The following CREB5 variants were observed in gnomAD, a reference collection of about 807,000 sequenced individuals.
CREB5 encodes cAMP responsive element binding protein 5.
Under a neutral mutation model 57.1 loss-of-function variants are expected in CREB5, and 19 were observed. The observed-to-expected ratio is 0.33, with a 90% CI of 0.23 to 0.49. The LOEUF is 0.49. Among genes scored for constraint, CREB5 ranks in the 20% least tolerant of loss-of-function variants. The pLI, the probability that CREB5 is intolerant of heterozygous loss-of-function variation, is 0.99. For synonymous variants in CREB5, 238 were observed against 238.3 expected, an observed-to-expected ratio of 1.00 and a Z score of 0.01; for missense variants, 579 against 671.6, an observed-to-expected ratio of 0.86 and a Z score of 1.52.
chr7:28,520,092 C>G (rs1793141950), intron 4 of CREB5, among the ~76,000 whole-genome samples: 1 of 152,162 alleles, frequency 6.6e-6, no homozygotes, highest in South Asian at 2.1e-4. Context: ...CACTAAAATA[C>G]TTTGTTTAGT....
chr7:28,550,739 C>T (rs987220067), intron 4 of CREB5, among the ~76,000 whole-genome samples: 1 of 152,194 alleles, frequency 6.6e-6, no homozygotes, highest in African/African-American at 2.4e-5. Flanking sequence ...CCCTGAAGCT[C>T]TAAATATAAT....
chr7:28,317,427 G>T (rs774048431), intron 1 of CREB5, among the ~76,000 whole-genome samples: 1 of 152,190 alleles, frequency 6.6e-6, no homozygotes, highest in Non-Finnish European at 1.5e-5. Context: ...CTTTGAGTGG[G>T]CAGGGGAAGA....
In CREB5 at chr7:28,742,522, C is replaced by T. The variant is rs975075677; in HGVS notation, c.702+18190C>T. ...CGGAGCTTGCAGTGAGCCGAGATGGCGCCACTGCACTCCAGCCTGGGCCAC... is the reference window on the plus strand; with the variant it reads ...CGGAGCTTGCAGTGAGCCGAGATGGTGCCACTGCACTCCAGCCTGGGCCAC... On this transcript the variant is annotated intron_variant, in intron 7 of 10. Coordinates refer to ENST00000357727, the MANE Select transcript of CREB5 (RefSeq NM_182898.4). 3.3e-5 allele frequency among the ~76,000 whole-genome samples: 5 copies of T among 151,740 alleles called. No individual in the cohort carries two copies. In the South Asian group the frequency reaches 6.2e-4, roughly 19 times the overall value.
intron 4 of CREB5, among the ~76,000 whole-genome samples, chr7:28,560,931 T>TGC (rs1467935536): frequency 0.052 from 2,521 of 48,208 alleles, 288 homozygotes; most frequent in Non-Finnish European, 0.063. Context: ...TGCGCGTGCG[T>TGC]GTGTGCGTGC....
intron 7 of CREB5, among the ~76,000 whole-genome samples, chr7:28,750,043 T>C (rs1183116090): frequency 6.6e-6 from 1 of 152,228 alleles, no homozygotes; most frequent in Non-Finnish European, 1.5e-5. Context: ...TGATAAAGTA[T>C]GTTTCCTAAC....
intron 7 of CREB5, among the ~76,000 whole-genome samples, chr7:28,782,741 T>C (rs1184295812): frequency 2.0e-5 from 3 of 152,152 alleles, no homozygotes; most frequent in Non-Finnish European, 4.4e-5. Context: ...TTTTAGAAAT[T>C]AGCGGATTGT....
intron 7 of CREB5, among the ~76,000 whole-genome samples, chr7:28,729,156 A>G (rs917392993): frequency 1.1e-4 from 16 of 152,228 alleles, no homozygotes; most frequent in African/African-American, 3.6e-4. Flanking sequence ...GAGAAAGACA[A>G]GGCATCTTAG....
rs182152593 is a variant in CREB5, at chr7:28,759,198, C to T, written c.702+34866C>T. On this transcript the variant is annotated intron_variant, in intron 7 of 10. Transcript: ENST00000357727. ...GCTTTTGGAATACCTACCTGGTGTA[C>T]TTCTGATAACATATATGCCACAGAG... 6.6e-5 allele frequency among the ~76,000 whole-genome samples: 10 copies of T among 152,114 alleles called. No individual in the cohort carries two copies. In the East Asian group the frequency reaches 1.9e-3, roughly 29 times the overall value.
intron 1 of CREB5, among the ~76,000 whole-genome samples, chr7:28,355,076 G>A (rs1427887128): frequency 6.6e-6 from 1 of 152,156 alleles, no homozygotes; most frequent in Non-Finnish European, 1.5e-5. Flanking sequence ...AACATCCCTA[G>A]GAAAGTCACA....
intron 5 of CREB5, among the ~76,000 whole-genome samples, chr7:28,617,040 G>A (rs1797621249): frequency 6.6e-6 from 1 of 152,176 alleles, no homozygotes; most frequent in Non-Finnish European, 1.5e-5. Flanking sequence ...ACAGAGTTGA[G>A]GAAAGGATCC....
At position 28,429,566 on chromosome 7, in the gene CREB5, C is replaced by A. The variant is rs1026886917; in HGVS notation, c.3+16649C>A. On this transcript the variant is annotated intron_variant, in intron 1 of 10. Transcript: ENST00000357727. ...TCTTATCTTCTTAATTTAGTGGCTCCACATGCCTTGGGAACAAACGCTTTT... is the reference window on the plus strand; with the variant it reads ...TCTTATCTTCTTAATTTAGTGGCTCAACATGCCTTGGGAACAAACGCTTTT... Among the ~76,000 whole-genome samples, 7 of 152,240 alleles carry A rather than the reference C, an allele frequency of 4.6e-5. No individual in the cohort carries two copies. In the East Asian group the frequency reaches 5.8e-4, roughly 13 times the overall value.
chr7:28,696,368 A>G (rs1801561237), intron 5 of CREB5, among the ~76,000 whole-genome samples: 1 of 152,212 alleles, frequency 6.6e-6, no homozygotes, highest in African/African-American at 2.4e-5. Context: ...GAAGATGGAT[A>G]TGACCCTTTC....
chr7:28,786,185 A>G (rs1239200869), intron 7 of CREB5, among the ~76,000 whole-genome samples: 1 of 152,178 alleles, frequency 6.6e-6, no homozygotes, highest in Non-Finnish European at 1.5e-5. Context: ...ATTAAAACTT[A>G]AAGTTGGCTT....
intron 5 of CREB5, among the ~76,000 whole-genome samples, chr7:28,592,227 A>AT: frequency 6.6e-6 from 1 of 152,304 alleles, no homozygotes; most frequent in Non-Finnish European, 1.5e-5. Context: ...CCATGTGAAC[A>AT]TTTGAAACGC....
At chr7:28,656,154 TCATAA>T (rs1799326221) in intron 5 of CREB5, among the ~76,000 whole-genome samples, 1 of 152,150 alleles carries the variant, frequency 6.6e-6, no homozygotes, top group Admixed American at 6.5e-5. Context: ...CATAACAACA[TCATAA>T]CATTTACTCA....
chr7:28,517,935 G>T (rs970927919), intron 4 of CREB5, among the ~76,000 whole-genome samples: 1 of 152,072 alleles, frequency 6.6e-6, no homozygotes, highest in Non-Finnish European at 1.5e-5. Flanking sequence ...ACTTGCTGCT[G>T]GCAGGATGAG....
At chr7:28,803,566 G>A (rs1291006750) in intron 7 of CREB5, among the ~76,000 whole-genome samples, 1 of 151,990 alleles carries the variant, frequency 6.6e-6, no homozygotes, top group African/African-American at 2.4e-5. Context: ...AGACCAGCCT[G>A]GCCAAGATGA....
intron 4 of CREB5, among the ~76,000 whole-genome samples, chr7:28,516,220 A>T (rs966503282): frequency 3.3e-5 from 5 of 151,726 alleles, no homozygotes; most frequent in Admixed American, 1.3e-4. Flanking sequence ...TTTTTTTTAA[A>T]AAAAAAGTAA....
At chr7:28,392,045 T>C (rs541236870) in intron 1 of CREB5, among the ~76,000 whole-genome samples, 99 of 152,308 alleles carry the variant, frequency 6.5e-4, no homozygotes, top group African/African-American at 2.3e-3. Context: ...TACCGCATGT[T>C]CTCACTTGTA....
Sources: allele counts gnomAD v4.1 joint callset (sites outside exome capture counted in the v4.1 genomes callset), GRCh38; gene constraint gnomAD v4.1.1; transcripts MANE v1.5; gene names NCBI Gene and HGNC (gene_info 2026-07-23, HGNC 2026-07-21).